PCSK5: variants seen among roughly 807,000 people sequenced by gnomAD.
PCSK5 encodes proprotein convertase subtilisin/kexin type 5, also known as prohormone convertase 5.
A neutral mutation model predicts 233.2 loss-of-function variants in PCSK5; 129 were observed. That is an observed-to-expected ratio of 0.55 (90% CI 0.48 to 0.64). The LOEUF is 0.64. Among genes scored for constraint, PCSK5 ranks in the 30% least tolerant of loss-of-function variants. The pLI is 0.00. For missense variants in PCSK5, 2,076 were observed against 2,430.1 expected (o/e 0.85, Z 3.06); for synonymous variants, 825 against 879.2 (o/e 0.94, Z 1.09).
chr9:75,983,898 G>A lies in PCSK5; in HGVS notation c.298-2234G>A, dbSNP rs564167212. Among the ~76,000 whole-genome samples the A allele has an allele frequency of 2.0e-5, 3 of 152,192 alleles. No individual in the cohort carries two copies. The East Asian group carries it at 5.8e-4, about 29-fold the overall frequency. On this transcript the variant is annotated intron_variant, in intron 2 of 37. Transcript: ENST00000674117. ...GTCATAGAAACCTTCCGATCCAAGA[G>A]GTACTTTTCCCACTTTCCAAAAAAT...
intron 20 of PCSK5, among the ~76,000 whole-genome samples, chr9:76,192,637 T>TAATTGCCGTTCTAAA (rs1824456679): frequency 7.0e-6 from 1 of 143,758 alleles, no homozygotes; most frequent in Non-Finnish European, 1.6e-5. Flanking sequence ...GTGTTGAATT[T>TAATTGCCGTTCTAAA]AATTGCCGTT....
chr9:76,206,811 T>C (rs184054497), intron 20 of PCSK5, among the ~76,000 whole-genome samples: 1 of 152,254 alleles, frequency 6.6e-6, no homozygotes, highest in Non-Finnish European at 1.5e-5. Context: ...GTAATCTTGC[T>C]GTATTAATTT....
At chr9:75,892,054 G>A (rs1432604200) in intron 1 of PCSK5, among the ~76,000 whole-genome samples, 1 of 152,118 alleles carries the variant, frequency 6.6e-6, no homozygotes, top group Non-Finnish European at 1.5e-5. Flanking sequence ...TGGGGAGGTG[G>A]GAAACTTCCG....
rs557808451 is a variant in PCSK5 at position 75,986,185 on chromosome 9, C to T, written c.351C>T (p.Asp117=). Residue 117 remains aspartate, a synonymous_variant, in exon 3 of 38, where the codon GAC becomes GAT. Coordinates refer to ENST00000674117, the MANE Select transcript of PCSK5 (RefSeq NM_001372043.1). The stretch of plus-strand genomic sequence containing the variant: ...AAAAGCGGACAAAGAGGGATTATGA[C>T]TTCAGTCGTGCCCAGTCTACCTATT... ...VVKKRTKRDY[D]FSRAQSTYFN... is the part of the protein sequence containing the mutation. 6.8e-6 allele frequency: 11 copies of T among 1,613,896 alleles called. No individual in the cohort carries two copies. Among genetic ancestry groups the T allele is most frequent in the Non-Finnish European group, 6.8e-6 (8 of 1,179,746 alleles).
chr9:75,958,339 C>G (rs539892633), intron 2 of PCSK5, among the ~76,000 whole-genome samples: 1 of 152,176 alleles, frequency 6.6e-6, no homozygotes. Flanking sequence ...AAGCTCCTGT[C>G]TGAGTTGGAA....
chr9:76,098,714 G>C (rs906711818), intron 8 of PCSK5, among the ~76,000 whole-genome samples: 1 of 152,182 alleles, frequency 6.6e-6, no homozygotes, highest in Non-Finnish European at 1.5e-5. Context: ...CCTTCTGTAA[G>C]GGAAGCATAT....
At chr9:75,910,809 T>C (rs532314115) in intron 1 of PCSK5, among the ~76,000 whole-genome samples, 28 of 152,288 alleles carry the variant, frequency 1.8e-4, no homozygotes, top group African/African-American at 6.7e-4. Flanking sequence ...TAAATTTGCC[T>C]CTCCATTCCA....
At chr9:76,072,513 T>C (rs1305692631) in intron 7 of PCSK5, among the ~76,000 whole-genome samples, 1 of 152,238 alleles carries the variant, frequency 6.6e-6, no homozygotes, top group Non-Finnish European at 1.5e-5. Context: ...AAATTAAATT[T>C]TAAAAGTGAG....
chr9:75,928,648 A>T (rs918622270), intron 1 of PCSK5, among the ~76,000 whole-genome samples: 1 of 120,374 alleles, frequency 8.3e-6, no homozygotes, highest in African/African-American at 3.1e-5. Flanking sequence ...TAATCCTAGA[A>T]GGTGATAGAT....
At chr9:76,041,260 G>A (rs1427771464) in intron 5 of PCSK5, among the ~76,000 whole-genome samples, 1 of 152,186 alleles carries the variant, frequency 6.6e-6, no homozygotes, top group African/African-American at 2.4e-5. Flanking sequence ...AGTTACTACT[G>A]TAGGTTAAAT....
intron 2 of PCSK5, among the ~76,000 whole-genome samples, chr9:75,969,513 GAAGTA>G (rs1424142161): frequency 2.6e-5 from 4 of 152,122 alleles, no homozygotes; most frequent in Non-Finnish European, 4.4e-5. Context: ...TTGAAACAAA[GAAGTA>G]AAGGGCTGGA....
Position 76,148,160 on chromosome 9 carries a change from C to A in PCSK5, c.1313-8885C>A, listed in dbSNP as rs1245795707. Among the ~76,000 whole-genome samples, 3 of 151,600 alleles carry A rather than the reference C, an allele frequency of 2.0e-5. No individual in the cohort carries two copies. The East Asian group carries it at 5.9e-4, about 30-fold the overall frequency. ...ATCTCCTGCTTGCCAAATCGGAAGA[C>A]CTATTGTCTTCCTCTAGGATTCATG... On this transcript the variant is annotated intron_variant, in intron 10 of 37. Transcript: ENST00000674117.
intron 12 of PCSK5, among the ~76,000 whole-genome samples, chr9:76,162,174 A>G (rs1330071783): frequency 1.3e-5 from 2 of 152,190 alleles, no homozygotes; most frequent in Non-Finnish European, 2.9e-5. Flanking sequence ...AGCTGCACCC[A>G]GTCCCAAAAC....
chr9:76,319,580 G>T (rs570453920), intron 30 of PCSK5, among the ~76,000 whole-genome samples: 2 of 151,942 alleles, frequency 1.3e-5, no homozygotes, highest in Non-Finnish European at 2.9e-5. Flanking sequence ...CTCCTTGGTC[G>T]AGCGGTAACG....
At chr9:75,959,790 A>G (rs1336367972) in intron 2 of PCSK5, among the ~76,000 whole-genome samples, 1 of 152,206 alleles carries the variant, frequency 6.6e-6, no homozygotes, top group Non-Finnish European at 1.5e-5. Flanking sequence ...TTTATTGGAT[A>G]CTCACCATGT....
chr9:76,358,248 G>A (rs1015872161), intron 37 of PCSK5, among the ~76,000 whole-genome samples: 4 of 152,134 alleles, frequency 2.6e-5, no homozygotes, highest in African/African-American at 9.7e-5. Flanking sequence ...GCTCACGTCT[G>A]TAATCCCAGC....
chr9:76,169,006 T>C (rs80041216), intron 12 of PCSK5, among the ~76,000 whole-genome samples: 1 of 152,220 alleles, frequency 6.6e-6, no homozygotes, highest in African/African-American at 2.4e-5. Flanking sequence ...TAATGTTTTT[T>C]AAATTCATTT....
intron 20 of PCSK5, among the ~76,000 whole-genome samples, chr9:76,199,727 T>C (rs924587627): frequency 2.0e-5 from 3 of 152,186 alleles, no homozygotes; most frequent in Non-Finnish European, 2.9e-5. Flanking sequence ...CAAGGAGATC[T>C]TTGTCAATCT....
chr9:76,027,617 G>A (rs142900621), intron 5 of PCSK5, among the ~76,000 whole-genome samples: 6 of 139,244 alleles, frequency 4.3e-5, no homozygotes, highest in Non-Finnish European at 6.0e-5. Flanking sequence ...TATGCTTTCC[G>A]TTTACTACTG....
Sources: allele counts gnomAD v4.1 joint callset (sites outside exome capture counted in the v4.1 genomes callset), GRCh38; gene constraint gnomAD v4.1.1; transcripts MANE v1.5; gene names NCBI Gene and HGNC (gene_info 2026-07-23, HGNC 2026-07-21).